Variants in COL15A1 observed in about 807,000 individuals in gnomAD.
COL15A1 encodes the protein collagen type XV alpha 1 chain, also known as collagen alpha-1(XV) chain.
COL15A1 carries 111 observed loss-of-function variants against 165.9 expected under a neutral mutation model. The ratio of observed to expected loss-of-function variants is 0.67; its 90% CI spans 0.57 to 0.78. The LOEUF is 0.78. COL15A1 is among the 30% of genes least tolerant of loss of function. COL15A1 has a pLI of 0.00. For synonymous variants in COL15A1, 659 were observed against 674.8 expected (o/e 0.98, Z 0.36); for missense variants, 1,745 against 1,789.7 (o/e 0.98, Z 0.45).
rs776895783 is a variant in COL15A1 at position 98,944,029 on chromosome 9, C to A, written c.-33C>A. ...AGCTCCAACGCTCTGCTCGACTAGC[C>A]GCGCGCCTTCCGGGGCTCCGCAGAC... On this transcript the variant is annotated 5_prime_UTR_variant, in exon 1 of 42. Coordinates refer to ENST00000375001, the MANE Select transcript of COL15A1 (RefSeq NM_001855.5). 1.2e-6 allele frequency: 2 copies of A among 1,613,624 alleles called. No homozygotes were observed. The highest frequency in any genetic ancestry group is 2.2e-5 in the East Asian group (1 of 44,866).
intron 3 of COL15A1, 151 bp from the exon 4 acceptor site, chr9:98,987,143 G>A: frequency 1.4e-6 from 1 of 725,324 alleles, no homozygotes; most frequent in South Asian, 1.6e-5. Flanking sequence ...GCCAAGAGGT[G>A]GCCTGGCTTC....
intron 12 of COL15A1, among the ~76,000 whole-genome samples, chr9:99,020,785 C>T (rs1412536061): frequency 2.6e-5 from 4 of 152,222 alleles, no homozygotes; most frequent in African/African-American, 9.6e-5. Flanking sequence ...GCTCTGGGCT[C>T]TGCCCCTGAT....
At chr9:98,992,422 C>T (rs1838458165) in intron 5 of COL15A1, among the ~76,000 whole-genome samples, 2 of 152,348 alleles carry the variant, frequency 1.3e-5, no homozygotes, top group East Asian at 1.9e-4. Flanking sequence ...CGAGCCCACG[C>T]CTACTTGGAA....
chr9:99,011,023 G>GA (rs1394157657), intron 9 of COL15A1, among the ~76,000 whole-genome samples: 1 of 151,594 alleles, frequency 6.6e-6, no homozygotes, highest in African/African-American at 2.4e-5. Flanking sequence ...ATAACCAGAG[G>GA]AAAAAAAATC....
At chr9:99,003,990 G>A (rs1421732529) in intron 8 of COL15A1, among the ~76,000 whole-genome samples, 3 of 152,182 alleles carry the variant, frequency 2.0e-5, no homozygotes, top group Non-Finnish European at 2.9e-5. Flanking sequence ...AGTAGAAGTC[G>A]CCTAGCAGAG....
chr9:98,968,595 G>A (rs1228153616), intron 2 of COL15A1, among the ~76,000 whole-genome samples: 2 of 152,162 alleles, frequency 1.3e-5, no homozygotes, highest in African/African-American at 4.8e-5. Flanking sequence ...CCCAGATAAT[G>A]CAGGATGATC....
chr9:99,046,636 T>TA (rs1839495934), intron 26 of COL15A1, among the ~76,000 whole-genome samples: 2 of 152,178 alleles, frequency 1.3e-5, no homozygotes, highest in African/African-American at 4.8e-5. Flanking sequence ...GCCAGACACT[T>TA]ACAAAACCAT....
At position 98,985,795 on chromosome 9, in the gene COL15A1, A is replaced by G. The variant is rs753271019; in HGVS notation, c.331A>G (p.Thr111Ala). ...CCGTGGTGGCGTGCTCTTCGCCATC[A>G]CTGACGCCTTCCAGAAGGTCATCTA... ...STRGGVLFAI[T>A]DAFQKVIYLG... is the part of the protein sequence containing the mutation. The change falls in exon 3 of 42, where the codon ACT (threonine) becomes GCT (alanine). Residue 111 changes from threonine (T) to alanine (A), a missense_variant. Thr to Ala is a moderately conservative substitution (Grantham distance 58). Transcript: ENST00000375001. 6.2e-7 allele frequency: 1 copy of G among 1,613,966 alleles called. No individual in the cohort carries two copies. The highest frequency in any genetic ancestry group is 1.1e-5 in the South Asian group (1 of 91,076).
At chr9:99,044,533 G>T (rs769075782) in intron 24 of COL15A1, 35 bp from the exon 25 acceptor site, 3 of 1,608,568 alleles carry the variant, frequency 1.9e-6, no homozygotes, top group African/African-American at 2.7e-5. Flanking sequence ...GCAAGGAGGA[G>T]TCCTGACTTC....
Position 99,015,440 on chromosome 9 carries a change from A to G in COL15A1, c.1377A>G (p.Leu459=), listed in dbSNP as rs1259154675. ...ATVGPSSEDS[L]TTAAAATEVS... Reference sequence around the variant, plus strand: ...AGGGTCCAAGCAGTGAAGACAGTTTAACAACAGCTGCAGCTGCAACCGAAG... The same window carrying G: ...AGGGTCCAAGCAGTGAAGACAGTTTGACAACAGCTGCAGCTGCAACCGAAG... Residue 459 remains leucine, a synonymous_variant, in exon 10 of 42, where the codon TTA becomes TTG. Coordinates refer to ENST00000375001, the MANE Select transcript of COL15A1 (RefSeq NM_001855.5). The G allele has an allele frequency of 6.2e-7, 1 of 1,609,000 alleles. No individual in the cohort carries two copies. Among genetic ancestry groups the G allele is most frequent in the African/African-American group, 1.3e-5 (1 of 74,806 alleles).
At chr9:98,949,874 T>C (rs1164877011) in intron 2 of COL15A1, among the ~76,000 whole-genome samples, 2 of 152,236 alleles carry the variant, frequency 1.3e-5, no homozygotes, top group African/African-American at 4.8e-5. Context: ...AGGCAGTCAC[T>C]AAACTACTTT....
intron 34 of COL15A1, 114 bp from the exon 35 acceptor site, chr9:99,056,146 A>G: frequency 1.8e-6 from 2 of 1,137,954 alleles, no homozygotes; most frequent in Non-Finnish European, 2.6e-6. Flanking sequence ...GAGGATAGTA[A>G]TAACAATAGC....
Position 98,987,287 on chromosome 9 carries a change from TC to T in COL15A1, c.649-3del, listed in dbSNP as rs1294611343. On this transcript the variant is annotated splice_region_variant and splice_polypyrimidine_tract_variant and intron_variant, in intron 3 of 41. Transcript: ENST00000375001. The stretch of plus-strand genomic sequence containing the variant: ...ACCGTGGCTTCTGATCCGTCTCTTT[TC>T]CCCAGGGCTCCCTCCAGCAGCTCAC... The T allele has an allele frequency of 1.2e-6, 2 of 1,612,674 alleles. No individual in the cohort carries two copies. The highest frequency in any genetic ancestry group is 1.7e-6 in the Non-Finnish European group (2 of 1,179,468).
chr9:98,957,474 G>A lies in COL15A1; in HGVS notation c.100+13224G>A, dbSNP rs111780080. Reference sequence around the variant, plus strand: ...AAGTTTGTGGTAGTTTGTTATAGCAGCATTGGAAGATAAATACAGCCTTCT... The same window carrying A: ...AAGTTTGTGGTAGTTTGTTATAGCAACATTGGAAGATAAATACAGCCTTCT... On this transcript the variant is annotated intron_variant, in intron 2 of 41. Coordinates refer to ENST00000375001, the MANE Select transcript of COL15A1 (RefSeq NM_001855.5). Among the ~76,000 whole-genome samples, 601 of 152,278 alleles carry A rather than the reference G, an allele frequency of 3.9e-3. 8 individuals carry two copies. Among genetic ancestry groups the A allele is most frequent in the African/African-American group, 0.014 (570 of 41,550 alleles).
In COL15A1 at chr9:99,055,346, G is replaced by A; in HGVS notation, c.3166G>A (p.Gly1056Ser). ...NGSFLMSGPP[G>S]LPGNPGPAGQ... Reference sequence around the variant, plus strand: ...CAGCTTCCTTATGTCTGGGCCTCCAGGCCTGCCCGGAAATCCAGGCCCGGC... The same window carrying A: ...CAGCTTCCTTATGTCTGGGCCTCCAAGCCTGCCCGGAAATCCAGGCCCGGC... The change falls in exon 34 of 42, where the codon GGC becomes AGC. Residue 1056 changes from glycine to serine, a missense_variant. Transcript: ENST00000375001. 2 of 1,613,490 alleles carry A rather than the reference G, an allele frequency of 1.2e-6. No individual in the cohort carries two copies. Among genetic ancestry groups the A allele is most frequent in the Non-Finnish European group, 1.7e-6 (2 of 1,179,400 alleles).
At chr9:99,019,082 A>G (rs538720644) in intron 11 of COL15A1, among the ~76,000 whole-genome samples, 1 of 152,350 alleles carries the variant, frequency 6.6e-6, no homozygotes, top group East Asian at 1.9e-4. Context: ...TCCCCACGTT[A>G]GGGATCTGCA....
At position 99,051,457 on chromosome 9, in the gene COL15A1, A is replaced by G. The variant is rs147684478; in HGVS notation, c.2905-931A>G. On this transcript the variant is annotated intron_variant, in intron 30 of 41. Coordinates refer to ENST00000375001, the MANE Select transcript of COL15A1 (RefSeq NM_001855.5). Reference sequence around the variant, plus strand: ...ACTCTCAAAATGGACATTTTGAAACAGAAATGCTTCCTCTTACAGCCAGCA... The same window carrying G: ...ACTCTCAAAATGGACATTTTGAAACGGAAATGCTTCCTCTTACAGCCAGCA... Among the ~76,000 whole-genome samples the G allele has an allele frequency of 2.4e-3, 364 of 152,340 alleles. 1 individual carries two copies. The highest frequency in any genetic ancestry group is 4.4e-3 in the Non-Finnish European group (296 of 68,034).
At chr9:99,000,789 C>T (rs749419399) in intron 6 of COL15A1, 50 bp from the exon 7 acceptor site, 1 of 890,958 alleles carries the variant, frequency 1.1e-6, no homozygotes, top group Non-Finnish European at 1.9e-6. Flanking sequence ...TCATTCTTTT[C>T]CAAGACTGCA....
intron 38 of COL15A1, 33 bp from the exon 39 acceptor site, chr9:99,063,017 C>T (rs200463918): frequency 2.2e-5 from 35 of 1,586,030 alleles, no homozygotes; most frequent in Non-Finnish European, 2.7e-5. Flanking sequence ...AATGCATATT[C>T]AGAACTGTTT....
Sources: allele counts gnomAD v4.1 joint callset (sites outside exome capture counted in the v4.1 genomes callset), GRCh38; gene constraint gnomAD v4.1.1; transcripts MANE v1.5; gene names NCBI Gene and HGNC (gene_info 2026-07-23, HGNC 2026-07-21).